FBXW11: variants seen among roughly 807,000 people sequenced by gnomAD.
The protein encoded by FBXW11 is F-box/WD repeat-containing protein 11.
Under a neutral mutation model 77.6 loss-of-function variants are expected in FBXW11, and 19 were observed. The ratio of observed to expected loss-of-function variants is 0.24; its 90% CI spans 0.17 to 0.36. The LOEUF is 0.36. Ranked by LOEUF, FBXW11 falls within the 10% of genes least tolerant of loss-of-function variation. The pLI is 1.00. For missense variants in FBXW11, 334 were observed against 704.2 expected (o/e 0.47, Z 5.95); for synonymous variants, 235 against 249.4 (o/e 0.94, Z 0.54).
At chr5:172,000,512 A>C (rs1294091932) in intron 1 of FBXW11, among the ~76,000 whole-genome samples, 4 of 152,226 alleles carry the variant, frequency 2.6e-5, no homozygotes. Flanking sequence ...ATGGCTCATT[A>C]AATGTATGGC....
chr5:171,936,108 C>CT (rs1479402272), intron 2 of FBXW11, among the ~76,000 whole-genome samples: 1 of 91,512 alleles, frequency 1.1e-5, no homozygotes, highest in Non-Finnish European at 2.0e-5. Context: ...TAGACTCCAT[C>CT]TAAAAAAAAA....
chr5:171,928,572 G>A (rs564197392), intron 2 of FBXW11, among the ~76,000 whole-genome samples: 40 of 152,322 alleles, frequency 2.6e-4, no homozygotes, highest in Admixed American at 2.2e-3. Context: ...CAACGGGACA[G>A]AATGGAAGAT....
intron 6 of FBXW11, among the ~76,000 whole-genome samples, chr5:171,894,497 C>T (rs929582402): frequency 3.3e-5 from 5 of 152,148 alleles, no homozygotes; most frequent in African/African-American, 4.8e-5. Flanking sequence ...TGAAAAGCCA[C>T]GAAAGAGACA....
Position 171,957,609 on chromosome 5 carries a change from G to T in FBXW11, c.135C>A (p.Val45=). The change falls in exon 2 of 14, where the codon GTC becomes GTA. Residue 45 remains valine, a synonymous_variant. Transcript: ENST00000517395. ...AGAAGAGAGGCACCTGGAGACATCTGACACTGGGCATGCTCTGCAGGCAAC... is the reference window on the plus strand; with the variant it reads ...AGAAGAGAGGCACCTGGAGACATCTTACACTGGGCATGCTCTGCAGGCAAC... ...ALSCLQSMPS[V]RCLQNTSVME... 6.2e-7 allele frequency: 1 copy of T among 1,613,988 alleles called. No homozygotes were observed. Among genetic ancestry groups the T allele is most frequent in the South Asian group, 1.1e-5 (1 of 91,064 alleles).
At chr5:171,953,612 T>C (rs1763464264) in intron 2 of FBXW11, among the ~76,000 whole-genome samples, 1 of 152,188 alleles carries the variant, frequency 6.6e-6, no homozygotes, top group Non-Finnish European at 1.5e-5. Flanking sequence ...ATTTAAAAAA[T>C]GGATTTCATA....
chr5:171,918,033 T>C (rs1761365513), intron 2 of FBXW11, among the ~76,000 whole-genome samples: 1 of 151,992 alleles, frequency 6.6e-6, no homozygotes, highest in South Asian at 2.1e-4. Context: ...AGCAACAGCC[T>C]GGCGTAATTC....
intron 2 of FBXW11, among the ~76,000 whole-genome samples, chr5:171,929,816 C>T (rs193285314): frequency 2.0e-5 from 3 of 152,188 alleles, no homozygotes; most frequent in Non-Finnish European, 2.9e-5. Context: ...CGCACCACTG[C>T]GCTCCAGCCT....
intron 1 of FBXW11, 82 bp downstream of exon 1, chr5:172,006,376 C>A: frequency 7.8e-7 from 1 of 1,286,422 alleles, no homozygotes; most frequent in Non-Finnish European, 1.1e-6. Flanking sequence ...CCAGAGCCGG[C>A]CTCGCACCGG....
Position 171,878,037 on chromosome 5 carries a change from T to A in FBXW11, c.945A>T (p.Val315=). ...TCACCGTAGAATCTGAAGAGCCAGTTACAATGACACGCTCATCATACTGCA... is the reference window on the plus strand; with the variant it reads ...TCACCGTAGAATCTGAAGAGCCAGTAACAATGACACGCTCATCATACTGCA... The part of the protein sequence containing the change: ...LCLQYDERVI[V]TGSSDSTVRV... Residue 315 remains valine, a synonymous_variant, in exon 8 of 14, where the codon GTA becomes GTT. Transcript: ENST00000517395. 6.2e-7 allele frequency: 1 copy of A among 1,613,770 alleles called. No homozygotes were observed. The highest frequency in any genetic ancestry group is 2.2e-5 in the East Asian group (1 of 44,872).
chr5:171,877,112 G>A (rs1387710661), intron 8 of FBXW11, among the ~76,000 whole-genome samples: 1 of 152,188 alleles, frequency 6.6e-6, no homozygotes, highest in Non-Finnish European at 1.5e-5. Flanking sequence ...TTGCTGAGAA[G>A]TGCTGAGATG....
chr5:171,955,225 A>G (rs76468763), intron 2 of FBXW11, among the ~76,000 whole-genome samples: 8,700 of 152,306 alleles, frequency 0.057, 357 homozygotes, highest in East Asian at 0.21. Flanking sequence ...AAGGTAAACT[A>G]AAATTCAGCC....
rs752292033 is a variant in FBXW11, at chr5:171,861,983, T to C, written c.*2144A>G. On this transcript the variant is annotated 3_prime_UTR_variant, in exon 14 of 14. Coordinates refer to ENST00000517395, the MANE Select transcript of FBXW11 (RefSeq NM_001378974.1). ...GAACTCCTTGGGTGCCAAAGTCCCC[T>C]GCTATAATTTAGTAGGCACAATTCA... The C allele has an allele frequency of 2.6e-5, 4 of 152,650 alleles. No homozygotes were observed. Among genetic ancestry groups the C allele is most frequent in the Admixed American group, 6.5e-5 (1 of 15,286 alleles). 9.5% of individuals were successfully genotyped at this position (152,650 alleles called of 1,614,324 possible). A position where few individuals can be genotyped will look rare whatever the true frequency, so the allele number is the denominator to read the frequency against.
At chr5:171,996,658 G>A (rs1766069433) in intron 1 of FBXW11, among the ~76,000 whole-genome samples, 1 of 152,196 alleles carries the variant, frequency 6.6e-6, no homozygotes, top group Non-Finnish European at 1.5e-5. Context: ...ATGTCTCAAA[G>A]ATAATAATAA....
In FBXW11 at chr5:172,006,570, G is replaced by A. The variant is rs1197862831; in HGVS notation, c.-68C>T. 2 of 1,433,764 alleles carry A rather than the reference G, an allele frequency of 1.4e-6. No individual in the cohort carries two copies. Among genetic ancestry groups the A allele is most frequent in the African/African-American group, 1.5e-5 (1 of 67,108 alleles). The allele number at this position is 1,433,764 out of a possible 1,614,324, so 88.8% of individuals were successfully genotyped here. A position where few individuals can be genotyped will look rare whatever the true frequency, so the allele number is the denominator to read the frequency against. ...GAACGGCCCGGGCGGAGGAGGCGAC[G>A]GCGGAGGCGGCAGAGGCGGAGGCGG... On this transcript the variant is annotated 5_prime_UTR_variant, in exon 1 of 14. Coordinates refer to ENST00000517395, the MANE Select transcript of FBXW11 (RefSeq NM_001378974.1).
intron 1 of FBXW11, among the ~76,000 whole-genome samples, chr5:171,959,744 G>A (rs1435154910): frequency 2.0e-5 from 3 of 151,832 alleles, no homozygotes; most frequent in Non-Finnish European, 2.9e-5. Flanking sequence ...CAGCTACTTG[G>A]GAGGCTGAGA....
In FBXW11 at chr5:171,870,779, T is replaced by C. The variant is rs772272918; in HGVS notation, c.1420A>G (p.Asn474Asp). Residue 474 changes from asparagine (N) to aspartate (D), a missense_variant, in exon 11 of 14, where the codon AAC (asparagine) becomes GAC (aspartate). Asn to Asp is a conservative substitution (Grantham distance 23). Coordinates refer to ENST00000517395, the MANE Select transcript of FBXW11 (RefSeq NM_001378974.1). ...TAGGCCCCACTGACAATCCTCTTGTTATCAAACCGGATGCATCGGACCAAT... is the reference window on the plus strand; with the variant it reads ...TAGGCCCCACTGACAATCCTCTTGTCATCAAACCGGATGCATCGGACCAAT... ...EELVRCIRFD[N>D]KRIVSGAYDG... The C allele has an allele frequency of 1.9e-6, 3 of 1,613,962 alleles. No homozygotes were observed. Among genetic ancestry groups the C allele is most frequent in the Non-Finnish European group, 2.5e-6 (3 of 1,179,836 alleles).
At chr5:172,003,337 C>CA (rs1212379347) in intron 1 of FBXW11, 1 of 152,138 alleles carries the variant, frequency 6.6e-6, no homozygotes, top group African/African-American at 2.4e-5. Context: ...ATTCCTAACT[C>CA]AAAGGTTAAT....
At chr5:171,965,070 G>A (rs1336174328) in intron 1 of FBXW11, among the ~76,000 whole-genome samples, 1 of 151,996 alleles carries the variant, frequency 6.6e-6, no homozygotes, top group African/African-American at 2.4e-5. Flanking sequence ...AGAAGAATGA[G>A]GAAAACCAAA....
chr5:171,890,079 T>C (rs1038028983), intron 7 of FBXW11, among the ~76,000 whole-genome samples: 1 of 152,056 alleles, frequency 6.6e-6, no homozygotes, highest in Non-Finnish European at 1.5e-5. Context: ...CACCACAGAA[T>C]ATAGAGATGG....
Sources: allele counts gnomAD v4.1 joint callset (sites outside exome capture counted in the v4.1 genomes callset), GRCh38; gene constraint gnomAD v4.1.1; transcripts MANE v1.5; gene names NCBI Gene and HGNC (gene_info 2026-07-23, HGNC 2026-07-21).